The following DNAH11 variants were observed in gnomAD, a reference collection of about 807,000 sequenced individuals.
DNAH11 encodes axonemal beta dynein heavy chain 11.
Under a neutral mutation model 526.0 loss-of-function variants are expected in DNAH11, and 442 were observed. The ratio of observed to expected loss-of-function variants is 0.84; its 90% CI spans 0.78 to 0.91. The LOEUF is 0.91. Among genes scored for constraint, DNAH11 ranks in the 40% least tolerant of loss-of-function variants. DNAH11 has a pLI of 0.00. For synonymous variants in DNAH11, 2,461 were observed against 1,935.9 expected, an observed-to-expected ratio of 1.27 and a Z score of -7.12; for missense variants, 6,989 against 5,448.7, an observed-to-expected ratio of 1.28 and a Z score of -8.90.
intron 20 of DNAH11, among the ~76,000 whole-genome samples, chr7:21,608,192 A>G (rs959663516): frequency 2.0e-5 from 3 of 152,162 alleles, no homozygotes; most frequent in Non-Finnish European, 4.4e-5. Context: ...CTAGTTTATA[A>G]TGAACAACTG....
intron 74 of DNAH11, among the ~76,000 whole-genome samples, chr7:21,878,591 C>T (rs1271285971): frequency 2.6e-5 from 4 of 151,950 alleles, no homozygotes; most frequent in Non-Finnish European, 5.9e-5. Flanking sequence ...TGTATATTTC[C>T]AAGCCCCATA....
intron 36 of DNAH11, among the ~76,000 whole-genome samples, chr7:21,701,818 C>T (rs1784073366): frequency 6.6e-6 from 1 of 152,112 alleles, no homozygotes; most frequent in African/African-American, 2.4e-5. Flanking sequence ...TTTTATCTCC[C>T]TTTTTATAGA....
intron 77 of DNAH11, among the ~76,000 whole-genome samples, chr7:21,893,673 A>T (rs1021701891): frequency 6.6e-6 from 1 of 152,234 alleles, no homozygotes; most frequent in African/African-American, 2.4e-5. Flanking sequence ...TAGAATTAGT[A>T]TGCATGTCTG....
In DNAH11 at chr7:21,759,321, G is replaced by T. The variant is rs13438602; in HGVS notation, c.8941-6107G>T. Among the ~76,000 whole-genome samples the T allele has an allele frequency of 6.7e-3, 1,027 of 152,288 alleles. 8 individuals carry two copies. The highest frequency in any genetic ancestry group is 0.024 in the African/African-American group (991 of 41,552). On this transcript the variant is annotated intron_variant, in intron 54 of 81. Coordinates refer to ENST00000409508, the MANE Select transcript of DNAH11 (RefSeq NM_001277115.2). Reference sequence around the variant, plus strand: ...TGTCCAATATTTACACAAGTCAAAGGTTATGGGAATGAGTTTATTGTGTGC... The same window carrying T: ...TGTCCAATATTTACACAAGTCAAAGTTTATGGGAATGAGTTTATTGTGTGC...
At chr7:21,619,839 TA>T in intron 24 of DNAH11, 116 bp from the exon 25 acceptor site, 1 of 968,042 alleles carries the variant, frequency 1.0e-6, no homozygotes, top group Non-Finnish European at 1.5e-6. Flanking sequence ...CTCAAGCCAA[TA>T]ATACTTGATA....
intron 30 of DNAH11, among the ~76,000 whole-genome samples, chr7:21,660,582 G>A (rs1298984629): frequency 3.3e-5 from 5 of 151,748 alleles, no homozygotes; most frequent in African/African-American, 1.2e-4. Context: ...GAAAAGAAGG[G>A]ACATAACATT....
In DNAH11 at chr7:21,892,750, C is replaced by G. The variant is rs927800459; in HGVS notation, c.12750+83C>G. On this transcript the variant is annotated intron_variant, in intron 77 of 81. Coordinates refer to ENST00000409508, the MANE Select transcript of DNAH11 (RefSeq NM_001277115.2). ...GTCTACTAATCTTAATTGTGCAAAT[C>G]AATAAGTTTTTACCTAGGTTTTACT... The G allele has an allele frequency of 2.8e-6, 4 of 1,432,484 alleles. No homozygotes were observed. In the African/African-American group the frequency reaches 5.7e-5, roughly 20 times the overall value. 88.7% of individuals were successfully genotyped at this position (1,432,484 alleles called of 1,614,324 possible). A position where few individuals can be genotyped will look rare whatever the true frequency, so the allele number is the denominator to read the frequency against.
At chr7:21,544,123 G>C (rs1230065680) in intron 1 of DNAH11, among the ~76,000 whole-genome samples, 1 of 152,156 alleles carries the variant, frequency 6.6e-6, no homozygotes, top group Non-Finnish European at 1.5e-5. Context: ...CATTTAGAGG[G>C]AACAGTTCCC....
At chr7:21,704,389 G>C (rs1439189308) in intron 37 of DNAH11, 45 bp from the exon 38 acceptor site, 4 of 1,553,186 alleles carry the variant, frequency 2.6e-6, no homozygotes, top group Non-Finnish European at 2.6e-6. Context: ...TTAGGTGTTT[G>C]TTAGACCTTG....
chr7:21,779,084 G>A lies in DNAH11; in HGVS notation c.9463G>A (p.Ala3155Thr), dbSNP rs752191917. ...GAAAGTGAGCCGGGAAAAGACCATC[G>A]CTGATGCTGAGGAGCGAAAGGTCAG... ...TEKVSREKTI[A>T]DAEERKVTAI... is the part of the protein sequence containing the mutation. The change falls in exon 57 of 82, where the codon GCT (alanine) becomes ACT (threonine). Residue 3155 changes from alanine (A) to threonine (T), a missense_variant. Coordinates refer to ENST00000409508, the MANE Select transcript of DNAH11 (RefSeq NM_001277115.2). The A allele has an allele frequency of 3.7e-6, 6 of 1,612,860 alleles. No individual in the cohort carries two copies. Among genetic ancestry groups the A allele is most frequent in the East Asian group, 2.2e-5 (1 of 44,834 alleles).
chr7:21,683,306 A>T (rs1211401238), intron 31 of DNAH11, among the ~76,000 whole-genome samples: 7 of 152,224 alleles, frequency 4.6e-5, no homozygotes, highest in African/African-American at 1.7e-4. Context: ...GCAATGAAAA[A>T]TACTGTTATT....
At chr7:21,870,350 G>C (rs918981430) in intron 73 of DNAH11, among the ~76,000 whole-genome samples, 9 of 152,158 alleles carry the variant, frequency 5.9e-5, no homozygotes, top group African/African-American at 2.4e-5. Context: ...GTCCAAGCAG[G>C]CTTATGATTG....
At position 21,601,598 on chromosome 7, in the gene DNAH11, C is replaced by A; in HGVS notation, c.3628C>A (p.Gln1210Lys). 6.3e-7 allele frequency: 1 copy of A among 1,590,562 alleles called. No individual in the cohort carries two copies. The highest frequency in any genetic ancestry group is 8.6e-7 in the Non-Finnish European group (1 of 1,163,726). Residue 1210 changes from glutamine (Q) to lysine (K), a missense_variant, in exon 18 of 82, where the codon CAG becomes AAG. Transcript: ENST00000409508. ...LESYGQKMPE[Q>K]VYIQLEELPE... ...AAGCTATGGCCAGAAGATGCCTGAGCAGGTCTATATTCAGCTAGAGGTAAG... is the reference window on the plus strand; with the variant it reads ...AAGCTATGGCCAGAAGATGCCTGAGAAGGTCTATATTCAGCTAGAGGTAAG...
intron 81 of DNAH11, 134 bp from the exon 82 acceptor site, chr7:21,900,873 G>GTAAAAATACCACT: frequency 7.0e-6 from 10 of 1,435,422 alleles, no homozygotes; most frequent in Non-Finnish European, 9.3e-6. Flanking sequence ...GGCCAGCTCA[G>GTAAAAATACCACT]TAAAAATACC....
At chr7:21,613,193 G>A (rs1785604437) in intron 20 of DNAH11, among the ~76,000 whole-genome samples, 1 of 152,142 alleles carries the variant, frequency 6.6e-6, no homozygotes, top group Admixed American at 6.5e-5. Flanking sequence ...ATATATAGGT[G>A]GACATAAATA....
chr7:21,860,500 T>G (rs1204133987), intron 68 of DNAH11, among the ~76,000 whole-genome samples: 1 of 152,154 alleles, frequency 6.6e-6, no homozygotes, highest in Non-Finnish European at 1.5e-5. Flanking sequence ...ATACCCAAAT[T>G]CATAGTAGCA....
chr7:21,789,162 A>T, intron 60 of DNAH11, 79 bp from the exon 61 acceptor site: 1 of 1,040,140 alleles, frequency 9.6e-7, no homozygotes, highest in Non-Finnish European at 1.4e-6. Context: ...TAGAGATTTT[A>T]ATTGTAAAGC....
At chr7:21,589,915 C>A (rs1037267973) in intron 12 of DNAH11, among the ~76,000 whole-genome samples, 1 of 152,084 alleles carries the variant, frequency 6.6e-6, no homozygotes, top group Admixed American at 6.5e-5. Context: ...AATTTATTGT[C>A]ATTTCTTTCA....
At chr7:21,858,691 G>A (rs913570383) in intron 68 of DNAH11, among the ~76,000 whole-genome samples, 1 of 152,306 alleles carries the variant, frequency 6.6e-6, no homozygotes, top group Middle Eastern at 3.4e-3. Flanking sequence ...ACAGAGGCAG[G>A]TCAGTAATTG....
Sources: gnomAD v4.1 joint callset for allele counts (sites outside exome capture counted in the v4.1 genomes callset) on GRCh38, gnomAD v4.1.1 for gene constraint, MANE v1.5 for transcripts, NCBI Gene and HGNC (gene_info 2026-07-23, HGNC 2026-07-21) for gene names.